Variants in BRINP3 observed in about 807,000 individuals in gnomAD.
The protein encoded by BRINP3 is BMP/retinoic acid-inducible neural-specific protein 3.
In BRINP3, 19 loss-of-function variants were observed where a neutral mutation model predicts 71.0. That is an observed-to-expected ratio of 0.27 (90% CI 0.19 to 0.39). The LOEUF is 0.39. Ranked by LOEUF, BRINP3 falls within the 10% of genes least tolerant of loss-of-function variation. The probability of loss-of-function intolerance (pLI) is 1.00; values close to 1 mark genes in which losing one functional copy is unlikely to be tolerated. For synonymous variants in BRINP3, 380 were observed against 337.7 expected (o/e 1.13, Z -1.37); for missense variants, 959 against 940.8 (o/e 1.02, Z -0.25).
At chr1:190,441,251 AAC>A (rs1325659691) in intron 2 of BRINP3, among the ~76,000 whole-genome samples, 1 of 152,032 alleles carries the variant, frequency 6.6e-6, no homozygotes, top group East Asian at 1.9e-4. Context: ...GGAAATGAGG[AAC>A]ACACAGTGTA....
At chr1:190,361,410 G>GT (rs1237693912) in intron 2 of BRINP3, among the ~76,000 whole-genome samples, 3 of 151,588 alleles carry the variant, frequency 2.0e-5, no homozygotes, top group African/African-American at 7.3e-5. Context: ...TTTGTTTTTT[G>GT]TTTTTTTGTT....
intron 2 of BRINP3, among the ~76,000 whole-genome samples, chr1:190,385,639 T>C (rs1372484029): frequency 6.6e-6 from 1 of 151,878 alleles, no homozygotes; most frequent in East Asian, 1.9e-4. Flanking sequence ...GGTGGGACTG[T>C]AAACTAGTTC....
intron 2 of BRINP3, among the ~76,000 whole-genome samples, chr1:190,307,192 A>G (rs1386990177): frequency 1.3e-5 from 2 of 148,456 alleles, no homozygotes; most frequent in East Asian, 2.0e-4. Flanking sequence ...AACATACAAT[A>G]TTTATTAAAT....
At chr1:190,131,577 AC>A (rs1654549027) in intron 7 of BRINP3, among the ~76,000 whole-genome samples, 1 of 151,858 alleles carries the variant, frequency 6.6e-6, no homozygotes, top group Non-Finnish European at 1.5e-5. Flanking sequence ...TCTGTGAAAA[AC>A]TTTGTCATCT....
chr1:190,145,468 T>A (rs570453647), intron 7 of BRINP3, among the ~76,000 whole-genome samples: 6 of 152,344 alleles, frequency 3.9e-5, no homozygotes, highest in African/African-American at 1.4e-4. Flanking sequence ...GAGTCTGAAA[T>A]TTCCCTTTGA....
At chr1:190,446,696 C>A (rs568777852) in intron 2 of BRINP3, among the ~76,000 whole-genome samples, 1 of 152,094 alleles carries the variant, frequency 6.6e-6, no homozygotes, top group East Asian at 1.9e-4. Context: ...AAAGGATCTA[C>A]AGACATCTAG....
intron 2 of BRINP3, among the ~76,000 whole-genome samples, chr1:190,439,756 T>C (rs1674695820): frequency 1.3e-5 from 2 of 151,944 alleles, no homozygotes; most frequent in African/African-American, 4.8e-5. Context: ...ATTTGAGTTT[T>C]TAAGTAATAT....
At chr1:190,195,034 T>TA (rs906395527) in intron 6 of BRINP3, among the ~76,000 whole-genome samples, 12 of 151,630 alleles carry the variant, frequency 7.9e-5, no homozygotes, top group Admixed American at 3.3e-4. Flanking sequence ...ACATGAAGTT[T>TA]AAAAAAAAAT....
intron 6 of BRINP3, among the ~76,000 whole-genome samples, chr1:190,210,262 A>G (rs1362008532): frequency 1.3e-5 from 2 of 152,156 alleles, no homozygotes; most frequent in African/African-American, 2.4e-5. Context: ...AACTGACAAT[A>G]GAGTATCAAG....
chr1:190,329,354 A>G (rs1158773829), intron 2 of BRINP3, among the ~76,000 whole-genome samples: 1 of 152,034 alleles, frequency 6.6e-6, no homozygotes, highest in Non-Finnish European at 1.5e-5. Context: ...AAATCAACAT[A>G]CAAAAATCAG....
At chr1:190,475,681 C>A (rs1352884231) in intron 1 of BRINP3, 1 of 152,196 alleles carries the variant, frequency 6.6e-6, no homozygotes, top group African/African-American at 2.4e-5. Context: ...CTGTTGATAA[C>A]CCTCCAGTTA....
At chr1:190,189,748 T>A (rs1386353671) in intron 6 of BRINP3, among the ~76,000 whole-genome samples, 1 of 152,190 alleles carries the variant, frequency 6.6e-6, no homozygotes. Context: ...AGACAATTTA[T>A]AATTACCATT....
At chr1:190,470,661 G>A (rs549928556) in intron 1 of BRINP3, among the ~76,000 whole-genome samples, 11 of 151,206 alleles carry the variant, frequency 7.3e-5, no homozygotes, top group Non-Finnish European at 1.2e-4. Context: ...ATAGAAGAAT[G>A]AGAATCTATA....
chr1:190,370,471 G>A (rs1669787476), intron 2 of BRINP3, among the ~76,000 whole-genome samples: 1 of 152,074 alleles, frequency 6.6e-6, no homozygotes, highest in African/African-American at 2.4e-5. Context: ...GAAAAATTTG[G>A]GAGGGGAGGA....
At chr1:190,234,727 T>G (rs762527569) in intron 4 of BRINP3, among the ~76,000 whole-genome samples, 3 of 152,086 alleles carry the variant, frequency 2.0e-5, no homozygotes, top group Admixed American at 2.0e-4. Context: ...GCCATCTTTG[T>G]TCAAAAGCAT....
intron 2 of BRINP3, among the ~76,000 whole-genome samples, chr1:190,385,549 T>A (rs1251257949): frequency 2.0e-5 from 3 of 151,840 alleles, no homozygotes; most frequent in African/African-American, 7.3e-5. Flanking sequence ...TCACACCAGT[T>A]AGAATGGCAA....
intron 2 of BRINP3, among the ~76,000 whole-genome samples, chr1:190,442,047 G>GA (rs200959827): frequency 0.017 from 2,493 of 150,874 alleles, 43 homozygotes; most frequent in Non-Finnish European, 0.028. Context: ...TTTTATTTGG[G>GA]AAAAAAAACA....
chr1:190,217,860 T>G (rs1381344735), intron 6 of BRINP3, among the ~76,000 whole-genome samples: 2 of 152,064 alleles, frequency 1.3e-5, no homozygotes, highest in East Asian at 3.9e-4. Flanking sequence ...GTCTGACTTT[T>G]GTTAGGACTG....
chr1:190,236,944 C>T (rs991254980), intron 4 of BRINP3, among the ~76,000 whole-genome samples: 26 of 151,968 alleles, frequency 1.7e-4, no homozygotes, highest in African/African-American at 6.3e-4. Flanking sequence ...TAAGCTCATA[C>T]TCATTGACAT....
Sources: gnomAD v4.1 joint callset for allele counts (sites outside exome capture counted in the v4.1 genomes callset) on GRCh38, gnomAD v4.1.1 for gene constraint, MANE v1.5 for transcripts, NCBI Gene and HGNC (gene_info 2026-07-23, HGNC 2026-07-21) for gene names.